Variants in TFAP2C observed in about 807,000 individuals in gnomAD.
TFAP2C encodes the protein activating enhancer-binding protein 2 gamma.
Under a neutral mutation model 42.9 loss-of-function variants are expected in TFAP2C, and 9 were observed. That is an observed-to-expected ratio of 0.21 (90% confidence interval 0.13 to 0.37). TFAP2C has a LOEUF of 0.37. Among genes scored for constraint, TFAP2C ranks in the 10% least tolerant of loss-of-function variants. TFAP2C has a pLI of 1.00. For synonymous variants in TFAP2C, 264 were observed against 256.0 expected (o/e 1.03, Z -0.30); for missense variants, 462 against 591.7 (o/e 0.78, Z 2.27).
At chr20:56,636,898 G>C in intron 6 of TFAP2C, 144 bp downstream of exon 6, 2 of 1,020,276 alleles carry the variant, frequency 2.0e-6, no homozygotes, top group Non-Finnish European at 2.8e-6. Flanking sequence ...TGGCAAGGGA[G>C]CTTCTTTTAC....
intron 5 of TFAP2C, 54 bp downstream of exon 5, chr20:56,634,322 T>G (rs1987547523): frequency 1.6e-6 from 2 of 1,275,568 alleles, no homozygotes; most frequent in African/African-American, 3.0e-5. Context: ...GCCTGTGTCT[T>G]TAATACTTAT....
intron 4 of TFAP2C, 92 bp from the exon 5 acceptor site, chr20:56,634,055 ACAG>A: frequency 2.5e-6 from 2 of 813,838 alleles, no homozygotes; most frequent in Non-Finnish European, 4.1e-6. Context: ...TTCAGCTTTG[ACAG>A]CAGCACTTTA....
chr20:56,631,671 A>T lies in TFAP2C; in HGVS notation c.515A>T (p.His172Leu). The T allele has an allele frequency of 6.3e-7, 1 of 1,589,108 alleles. No individual in the cohort carries two copies. The highest frequency in any genetic ancestry group is 8.5e-7 in the Non-Finnish European group (1 of 1,170,028). ...AENLGLHDMP[H>L]QMDEVQNVDD... ...AACCTGGGGCTCCACGACATGCCTC[A>T]CCAGATGGACGAGGTGCAGGTGAGC... Residue 172 changes from histidine to leucine, a missense_variant, in exon 2 of 7, where the codon CAC becomes CTC. His to Leu is a moderately conservative substitution (Grantham distance 99). Coordinates refer to ENST00000201031, the MANE Select transcript of TFAP2C (RefSeq NM_003222.4). The surrounding 1 kb of genome is among the most constrained non-coding windows in gnomAD (Gnocchi z 6.1).
intron 5 of TFAP2C, among the ~76,000 whole-genome samples, chr20:56,635,415 C>G (rs896311173): frequency 5.3e-5 from 8 of 152,082 alleles, no homozygotes; most frequent in African/African-American, 1.9e-4. Context: ...GTGGGAGAAA[C>G]TCTCTTGGTT....
intron 5 of TFAP2C, among the ~76,000 whole-genome samples, chr20:56,635,115 T>C (rs1237101699): frequency 6.6e-6 from 1 of 152,176 alleles, no homozygotes; most frequent in Non-Finnish European, 1.5e-5. Context: ...TGGCGTGACG[T>C]GGTGCTCAAA....
chr20:56,637,958 A>G lies in TFAP2C; in HGVS notation c.1298A>G (p.Gln433Arg). 1 of 1,614,176 alleles carries G rather than the reference A, an allele frequency of 6.2e-7. No homozygotes were observed. The highest frequency in any genetic ancestry group is 8.5e-7 in the Non-Finnish European group (1 of 1,179,996). The part of the protein sequence containing the change: ...IDKSYMNPGD[Q>R]SPADSNKTLE... ...AAATCCTACATGAACCCTGGAGACC[A>G]GAGTCCAGCTGATTCTAACAAAACC... Residue 433 changes from glutamine to arginine, a missense_variant, in exon 7 of 7, where the codon CAG (glutamine) becomes CGG (arginine). By Grantham distance (43) the Gln-to-Arg change is conservative (BLOSUM62 1). Transcript: ENST00000201031.
Position 56,629,607 on chromosome 20 carries a change from C to T in TFAP2C, c.48+15C>T. On this transcript the variant is annotated intron_variant, in intron 1 of 6. Coordinates refer to ENST00000201031, the MANE Select transcript of TFAP2C (RefSeq NM_003222.4). The surrounding 1 kb of genome is among the most constrained non-coding windows in gnomAD (Gnocchi z 5.9). ...AGGACTGCGAGGTGAGCTGGGGCTC[C>T]GGGGTGCAGCCCCGCCCCGCCGAGG... 1 of 1,400,168 alleles carries T rather than the reference C, an allele frequency of 7.1e-7. No individual in the cohort carries two copies. Among genetic ancestry groups the T allele is most frequent in the Non-Finnish European group, 9.3e-7 (1 of 1,078,386 alleles). The allele number at this position is 1,400,168 out of a possible 1,614,324, so 86.7% of individuals were successfully genotyped here. A position where few individuals can be genotyped will look rare whatever the true frequency, so the allele number is the denominator to read the frequency against.
rs971404437 is a variant in TFAP2C, at chr20:56,630,822, G to A, written c.49-383G>A. 4 of 985,136 alleles carry A rather than the reference G, an allele frequency of 4.1e-6. No individual in the cohort carries two copies. Among genetic ancestry groups the A allele is most frequent in the Non-Finnish European group, 3.6e-6 (3 of 829,868 alleles). 61.0% of individuals were successfully genotyped at this position (985,136 alleles called of 1,614,324 possible). A position where few individuals can be genotyped will look rare whatever the true frequency, so the allele number is the denominator to read the frequency against. Reference sequence around the variant, plus strand: ...GGGCTCCACGAGATAGCTCTGCACCGGGCGTCCGGCTCCTTCGCCCCGGGC... The same window carrying A: ...GGGCTCCACGAGATAGCTCTGCACCAGGCGTCCGGCTCCTTCGCCCCGGGC... On this transcript the variant is annotated intron_variant, in intron 1 of 6. Coordinates refer to ENST00000201031, the MANE Select transcript of TFAP2C (RefSeq NM_003222.4). The surrounding 1 kb of genome is among the most constrained non-coding windows in gnomAD (Gnocchi z 5.1).
chr20:56,634,293 C>A, intron 5 of TFAP2C, 25 bp downstream of exon 5: 1 of 1,534,292 alleles, frequency 6.5e-7, no homozygotes, highest in Non-Finnish European at 9.0e-7. Context: ...GTTTTTGGTT[C>A]GTGATGTTTT....
In TFAP2C at chr20:56,638,614, T is replaced by C. The variant is rs1249045216; in HGVS notation, c.*601T>C. The C allele has an allele frequency of 2.6e-5, 4 of 152,426 alleles. No individual in the cohort carries two copies. Among genetic ancestry groups the C allele is most frequent in the African/African-American group, 7.2e-5 (3 of 41,390 alleles). 9.4% of individuals were successfully genotyped at this position (152,426 alleles called of 1,614,324 possible). On this transcript the variant is annotated 3_prime_UTR_variant, in exon 7 of 7. Coordinates refer to ENST00000201031, the MANE Select transcript of TFAP2C (RefSeq NM_003222.4). ...GTGTTCAAACGGGGGCCTTCTGGTT[T>C]TAGGAAACTTGTAGAAACGAAGCCT...
chr20:56,636,118 T>A lies in TFAP2C; in HGVS notation c.923-492T>A, dbSNP rs549578507. Among the ~76,000 whole-genome samples, 19 of 152,304 alleles carry A rather than the reference T, an allele frequency of 1.2e-4. No homozygotes were observed. In the East Asian group the frequency reaches 1.9e-3, roughly 15 times the overall value. ...TGCTCACATTGTGTGATCTCCACCC[T>A]CTATTCCTGGGGTGGAGGACCTACT... On this transcript the variant is annotated intron_variant, in intron 5 of 6. Coordinates refer to ENST00000201031, the MANE Select transcript of TFAP2C (RefSeq NM_003222.4).
rs560967538 is a variant in TFAP2C, at chr20:56,630,147, C to G, written c.48+555C>G. The G allele has an allele frequency of 2.9e-5, 7 of 239,800 alleles. No homozygotes were observed. Among genetic ancestry groups the G allele is most frequent in the South Asian group, 2.6e-4 (7 of 26,460 alleles). The allele number at this position is 239,800 out of a possible 1,614,324, so 14.9% of individuals were successfully genotyped here. On this transcript the variant is annotated intron_variant, in intron 1 of 6. Coordinates refer to ENST00000201031, the MANE Select transcript of TFAP2C (RefSeq NM_003222.4). This position sits in a 1 kb window ranked among gnomAD's most constrained non-coding sequence, Gnocchi z 5.1. The stretch of plus-strand genomic sequence containing the variant: ...AGAGCTCGCGAGTGCTCCAGCCTGT[C>G]GGACAGGTTGAGCTAGAGTTTCGGA...
At position 56,630,627 on chromosome 20, in the gene TFAP2C, G is replaced by A; in HGVS notation, c.49-578G>A. On this transcript the variant is annotated intron_variant, in intron 1 of 6. Transcript: ENST00000201031. The surrounding 1 kb of genome is among the most constrained non-coding windows in gnomAD (Gnocchi z 5.1). ...GCGCGCTCCCTCTTCACTTCCCAGGGCGGCGCAGGGTGGCGGGCCCTGCTT... is the reference window on the plus strand; with the variant it reads ...GCGCGCTCCCTCTTCACTTCCCAGGACGGCGCAGGGTGGCGGGCCCTGCTT... 2 of 946,298 alleles carry A rather than the reference G, an allele frequency of 2.1e-6. No individual in the cohort carries two copies. The highest frequency in any genetic ancestry group is 9.7e-5 in the South Asian group (2 of 20,562). The allele number at this position is 946,298 out of a possible 1,614,324, so 58.6% of individuals were successfully genotyped here.
intron 4 of TFAP2C, among the ~76,000 whole-genome samples, chr20:56,633,823 G>T (rs1275997264): frequency 6.6e-6 from 1 of 152,178 alleles, no homozygotes; most frequent in East Asian, 1.9e-4. Context: ...ATTGAGGGGA[G>T]GTGGGGGGAG....
chr20:56,632,815 AG>A lies in TFAP2C; in HGVS notation c.587-536del, dbSNP rs74181066. ...AATTAAATAGTTTTCAGCAGCTGCTAGGAAAAAAAAAAAAAGAAACCCTCCA... is the reference window on the plus strand; with the variant it reads ...AATTAAATAGTTTTCAGCAGCTGCTAGAAAAAAAAAAAAAGAAACCCTCCA... On this transcript the variant is annotated intron_variant, in intron 3 of 6. Transcript: ENST00000201031. Among the ~76,000 whole-genome samples, 15 of 150,936 alleles carry A rather than the reference AG, an allele frequency of 9.9e-5. 1 individual carries two copies. The highest frequency in any genetic ancestry group is 6.2e-4 in the South Asian group (3 of 4,826).
intron 3 of TFAP2C, among the ~76,000 whole-genome samples, chr20:56,632,073 GT>G (rs1002675038): frequency 4.9e-4 from 75 of 152,134 alleles, no homozygotes; most frequent in African/African-American, 1.7e-3. Flanking sequence ...TTACTGCCTA[GT>G]TTTTTTTCTT....
At position 56,631,241 on chromosome 20, in the gene TFAP2C, G is replaced by C. The variant is rs1169411694; in HGVS notation, c.85G>C (p.Val29Leu). The C allele has an allele frequency of 1.3e-6, 2 of 1,568,704 alleles. No individual in the cohort carries two copies. The highest frequency in any genetic ancestry group is 1.7e-6 in the Non-Finnish European group (2 of 1,159,310). The part of the protein sequence containing the change: ...HDGSSNGNPR[V>L]PHLSSAGQHL... ...CGGGAGCAGCAATGGGAATCCGCGG[G>C]TCCCCCACCTCTCCTCCGCCGGGCA... is the stretch of plus-strand genomic sequence containing the variant. Residue 29 changes from valine (V) to leucine (L), a missense_variant, in exon 2 of 7, where the codon GTC becomes CTC. By Grantham distance (32) the Val-to-Leu change is conservative (BLOSUM62 1). Around this residue, in one of 5 missense-constraint regions of TFAP2C, gnomAD observed 271 missense variants for 269.7 expected, o/e 1.00. Transcript: ENST00000201031. The surrounding 1 kb of genome is among the most constrained non-coding windows in gnomAD (Gnocchi z 6.1).
At chr20:56,632,531 T>A (rs1987510804) in intron 3 of TFAP2C, among the ~76,000 whole-genome samples, 1 of 152,200 alleles carries the variant, frequency 6.6e-6, no homozygotes, top group Non-Finnish European at 1.5e-5. Context: ...AAATTGAAGG[T>A]AGTTTTGGCC....
Position 56,629,745 on chromosome 20 carries a change from C to T in TFAP2C, c.48+153C>T, listed in dbSNP as rs1051747581. ...CCGGACACCCCTTAGTCCATTTCTG[C>T]GGGGCCCCTTTCCTGTATAGGGCCT... is the stretch of plus-strand genomic sequence containing the variant. On this transcript the variant is annotated intron_variant, in intron 1 of 6. Coordinates refer to ENST00000201031, the MANE Select transcript of TFAP2C (RefSeq NM_003222.4). The surrounding 1 kb of genome is among the most constrained non-coding windows in gnomAD (Gnocchi z 5.9). Among the ~76,000 whole-genome samples, 1 of 152,042 alleles carries T rather than the reference C, an allele frequency of 6.6e-6. No individual in the cohort carries two copies. The highest frequency in any genetic ancestry group is 2.4e-5 in the African/African-American group (1 of 41,428).
Sources: gnomAD v4.1 joint callset for allele counts (sites outside exome capture counted in the v4.1 genomes callset) on GRCh38, gnomAD v4.1.1 for gene constraint, gnomAD v4.1.1 regional missense constraint, Gnocchi (gnomAD v3.1) non-coding constraint, MANE v1.5 for transcripts, NCBI Gene and HGNC (gene_info 2026-07-23, HGNC 2026-07-21) for gene names.